ALPL: variants seen among roughly 807,000 people sequenced by gnomAD.
ALPL encodes the protein alkaline phosphatase, tissue-nonspecific isozyme.
Under a neutral mutation model 51.3 loss-of-function variants are expected in ALPL, and 42 were observed. That is an observed-to-expected ratio of 0.82 (90% confidence interval 0.64 to 1.06). The LOEUF (loss-of-function observed/expected upper bound fraction) is 1.06. Among genes scored for constraint, ALPL ranks in the 50% least tolerant of loss-of-function variants. ALPL has a pLI of 0.00. For missense variants in ALPL, 589 were observed against 709.4 expected, an observed-to-expected ratio of 0.83 and a Z score of 1.93; for synonymous variants, 279 against 296.4, an observed-to-expected ratio of 0.94 and a Z score of 0.60.
intron 1 of ALPL, among the ~76,000 whole-genome samples, chr1:21,547,049 G>T (rs1029858709): frequency 2.6e-5 from 4 of 152,222 alleles, no homozygotes; most frequent in Non-Finnish European, 5.9e-5. Flanking sequence ...GTCCACACTG[G>T]CTGGTCAGTT....
chr1:21,573,928 G>A, intron 9 of ALPL, 129 bp downstream of exon 9: 1 of 1,501,754 alleles, frequency 6.7e-7, no homozygotes, highest in African/African-American at 1.4e-5. Flanking sequence ...TAGGAGAATA[G>A]GTTGTGGAAG....
At chr1:21,522,051 G>A (rs531634098) in intron 1 of ALPL, among the ~76,000 whole-genome samples, 2 of 151,852 alleles carry the variant, frequency 1.3e-5, no homozygotes, top group Non-Finnish European at 2.9e-5. Flanking sequence ...GTACTCAGAG[G>A]AGTAACCAAT....
chr1:21,575,512 T>C (rs1382912751), intron 9 of ALPL, among the ~76,000 whole-genome samples: 1 of 152,192 alleles, frequency 6.6e-6, no homozygotes, highest in African/African-American at 2.4e-5. Context: ...GCAGCCCCCA[T>C]GCATGTGCCT....
chr1:21,570,628 G>A (rs531212335), intron 8 of ALPL, among the ~76,000 whole-genome samples: 26 of 152,304 alleles, frequency 1.7e-4, no homozygotes, highest in East Asian at 3.9e-4. Flanking sequence ...GGAGTGGCCC[G>A]CGGCATGTGG....
intron 1 of ALPL, among the ~76,000 whole-genome samples, chr1:21,522,698 G>A (rs1471054562): frequency 6.6e-6 from 1 of 152,090 alleles, no homozygotes; most frequent in African/African-American, 2.4e-5. Context: ...CCAGTGTCGG[G>A]CACACAATAG....
chr1:21,512,517 G>C (rs1163844602), intron 1 of ALPL, among the ~76,000 whole-genome samples: 1 of 152,156 alleles, frequency 6.6e-6, no homozygotes, highest in Non-Finnish European at 1.5e-5. Context: ...CCTGAGGGAA[G>C]TCCACGTTTA....
At chr1:21,547,368 G>A (rs1321334863) in intron 1 of ALPL, among the ~76,000 whole-genome samples, 4 of 152,134 alleles carry the variant, frequency 2.6e-5, no homozygotes, top group Non-Finnish European at 4.4e-5. Context: ...TGTGCAGGGC[G>A]TGGTGGCTGC....
At chr1:21,530,637 G>T (rs77936121) in intron 1 of ALPL, among the ~76,000 whole-genome samples, 1 of 152,116 alleles carries the variant, frequency 6.6e-6, no homozygotes, top group African/African-American at 2.4e-5. Context: ...GAGGAGAAGG[G>T]GCTATATGCC....
At chr1:21,545,330 G>A (rs567373715) in intron 1 of ALPL, among the ~76,000 whole-genome samples, 16 of 151,704 alleles carry the variant, frequency 1.1e-4, no homozygotes, top group South Asian at 2.1e-4. Context: ...TCACTCTGTC[G>A]CCCAGGCTGG....
intron 1 of ALPL, among the ~76,000 whole-genome samples, chr1:21,511,252 T>G (rs2148048342): frequency 6.6e-6 from 1 of 152,306 alleles, no homozygotes; most frequent in African/African-American, 2.4e-5. Context: ...AGGAAGGAGA[T>G]TAAGACGCAA....
At chr1:21,557,375 G>C (rs1380734168) in intron 2 of ALPL, among the ~76,000 whole-genome samples, 2 of 152,188 alleles carry the variant, frequency 1.3e-5, no homozygotes, top group African/African-American at 2.4e-5. Context: ...GGGGTGCAGT[G>C]GGGCACTGAG....
In ALPL at chr1:21,532,988, A is replaced by G. The variant is rs867906066; in HGVS notation, c.-104-20990A>G. ...AGGTGTTGGGTTAGAGTATTCCTAG[A>G]GTCCCTTTCAGTTTGTTGTGATACC... On this transcript the variant is annotated intron_variant, in intron 1 of 11. Coordinates refer to ENST00000374840, the MANE Select transcript of ALPL (RefSeq NM_000478.6). 3.3e-5 allele frequency among the ~76,000 whole-genome samples: 5 copies of G among 152,320 alleles called. 1 individual carries two copies. In the South Asian group the frequency reaches 8.3e-4, roughly 25 times the overall value.
chr1:21,547,962 C>T (rs966795409), intron 1 of ALPL, among the ~76,000 whole-genome samples: 2 of 152,178 alleles, frequency 1.3e-5, no homozygotes, highest in African/African-American at 4.8e-5. Context: ...TGAATCAGTC[C>T]TCAGAGCTAA....
At chr1:21,526,197 T>C (rs1182953641) in intron 1 of ALPL, among the ~76,000 whole-genome samples, 1 of 152,036 alleles carries the variant, frequency 6.6e-6, no homozygotes, top group Non-Finnish European at 1.5e-5. Context: ...TGGAGTGCCA[T>C]AGCGCCATCT....
chr1:21,534,253 C>T (rs956659040), intron 1 of ALPL, among the ~76,000 whole-genome samples: 3 of 152,176 alleles, frequency 2.0e-5, no homozygotes, highest in Admixed American at 2.0e-4. Context: ...TGGGATTACA[C>T]GTGTCAGCCA....
At chr1:21,530,617 G>A (rs1286983418) in intron 1 of ALPL, among the ~76,000 whole-genome samples, 3 of 152,046 alleles carry the variant, frequency 2.0e-5, no homozygotes, top group Admixed American at 1.3e-4. Flanking sequence ...AGACCCCAGG[G>A]AGAAACAGTG....
chr1:21,573,402 A>G (rs1380029591), intron 8 of ALPL, among the ~76,000 whole-genome samples: 1 of 150,274 alleles, frequency 6.7e-6, no homozygotes, highest in Non-Finnish European at 1.5e-5. Flanking sequence ...GCACCACTGC[A>G]CTCCAGCCTG....
At chr1:21,558,848 C>A (rs1644447134) in intron 2 of ALPL, among the ~76,000 whole-genome samples, 1 of 152,182 alleles carries the variant, frequency 6.6e-6, no homozygotes, top group Non-Finnish European at 1.5e-5. Flanking sequence ...TGCGCCTATG[C>A]TAGGCTGGGG....
chr1:21,577,917 G>T lies in ALPL; in HGVS notation c.*269G>T. On this transcript the variant is annotated 3_prime_UTR_variant, in exon 12 of 12. Coordinates refer to ENST00000374840, the MANE Select transcript of ALPL (RefSeq NM_000478.6). ...TTCTCTTGGGCAGGCAGAGAGTACA[G>T]ACTGCAGACATTCTCAAAGCCTCTT... is the stretch of plus-strand genomic sequence containing the variant. 1.7e-6 allele frequency: 1 copy of T among 584,550 alleles called. No homozygotes were observed. The highest frequency in any genetic ancestry group is 3.0e-6 in the Non-Finnish European group (1 of 328,852). The allele number at this position is 584,550 out of a possible 1,614,324, so 36.2% of individuals were successfully genotyped here. A position where few individuals can be genotyped will look rare whatever the true frequency, so the allele number is the denominator to read the frequency against.
Sources: allele counts gnomAD v4.1 joint callset (sites outside exome capture counted in the v4.1 genomes callset), GRCh38; gene constraint gnomAD v4.1.1; transcripts MANE v1.5; gene names NCBI Gene and HGNC (gene_info 2026-07-23, HGNC 2026-07-21).